ALOX5: variants seen among roughly 807,000 people sequenced by gnomAD.
ALOX5 encodes the protein polyunsaturated fatty acid 5-lipoxygenase.
Under a neutral mutation model 87.9 loss-of-function variants are expected in ALOX5, and 64 were observed. The observed-to-expected ratio is 0.73, with a 90% CI of 0.60 to 0.90. The LOEUF is 0.90. Among genes scored for constraint, ALOX5 ranks in the 40% least tolerant of loss-of-function variants. The pLI is 0.00. For synonymous variants in ALOX5, 388 were observed against 355.1 expected (o/e 1.09, Z -1.04); for missense variants, 822 against 907.5 (o/e 0.91, Z 1.21).
In ALOX5 at chr10:45,412,200, G is replaced by A. The variant is rs747182768; in HGVS notation, c.441G>A (p.Glu147=). The A allele has an allele frequency of 5.0e-6, 8 of 1,614,186 alleles. No individual in the cohort carries two copies. Among genetic ancestry groups the A allele is most frequent in the Non-Finnish European group, 5.9e-6 (7 of 1,180,034 alleles). Residue 147 remains glutamate, a synonymous_variant, in exon 4 of 14, where the codon GAG becomes GAA. Transcript: ENST00000374391. Reference sequence around the variant, plus strand: ...CCTTTCTCATGCTCAGATGGATGGAGTGGAACCCTGGCTTCCCCTTGAGCA... The same window carrying A: ...CCTTTCTCATGCTCAGATGGATGGAATGGAACCCTGGCTTCCCCTTGAGCA... ...ETRQKQYRWM[E]WNPGFPLSID...
At position 45,400,076 on chromosome 10, in the gene ALOX5, T is replaced by C. The variant is rs1840646210; in HGVS notation, c.431+4140T>C. Among the ~76,000 whole-genome samples the C allele has an allele frequency of 4.6e-5, 7 of 152,182 alleles. No homozygotes were observed. In the South Asian group the frequency reaches 1.4e-3, roughly 32 times the overall value. ...GATGCAGCCACTTCAGAAAACAGTTTAGTGGTTCCTCAAAATCTGAAACCC... is the reference window on the plus strand; with the variant it reads ...GATGCAGCCACTTCAGAAAACAGTTCAGTGGTTCCTCAAAATCTGAAACCC... On this transcript the variant is annotated intron_variant, in intron 3 of 13. Coordinates refer to ENST00000374391, the MANE Select transcript of ALOX5 (RefSeq NM_000698.5).
intron 13 of ALOX5, 176 bp downstream of exon 13, chr10:45,444,462 G>A: frequency 2.3e-6 from 2 of 868,982 alleles, no homozygotes; most frequent in Non-Finnish European, 3.4e-6. Flanking sequence ...GCCTCAGCCT[G>A]GACAGAGCTC....
chr10:45,433,674 G>A (rs894027802), intron 7 of ALOX5, among the ~76,000 whole-genome samples: 10 of 152,176 alleles, frequency 6.6e-5, no homozygotes, highest in Non-Finnish European at 1.2e-4. Flanking sequence ...TTGAAGTGGG[G>A]GTGGGCTTCC....
chr10:45,405,198 T>G (rs1449310410), intron 3 of ALOX5, among the ~76,000 whole-genome samples: 1 of 152,212 alleles, frequency 6.6e-6, no homozygotes. Context: ...TTTCCAGAAC[T>G]CAGATTGCTG....
At chr10:45,420,769 C>T (rs942764224) in intron 4 of ALOX5, among the ~76,000 whole-genome samples, 7 of 152,182 alleles carry the variant, frequency 4.6e-5, no homozygotes, top group Non-Finnish European at 8.8e-5. Flanking sequence ...ACAACTGTGG[C>T]GTAAAAAATG....
intron 2 of ALOX5, among the ~76,000 whole-genome samples, chr10:45,387,286 C>T (rs1020657168): frequency 7.2e-5 from 11 of 152,040 alleles, no homozygotes; most frequent in South Asian, 6.2e-4. Context: ...TGTGTAGGCA[C>T]GACAGGAAAC....
intron 6 of ALOX5, chr10:45,428,264 A>G: frequency 3.5e-6 from 1 of 286,612 alleles, no homozygotes; most frequent in Non-Finnish European, 6.5e-6. Context: ...GTCCGGCAGC[A>G]TCATTTTTTG....
intron 2 of ALOX5, among the ~76,000 whole-genome samples, chr10:45,389,826 C>A (rs1008528039): frequency 5.1e-4 from 78 of 152,324 alleles, no homozygotes; most frequent in Middle Eastern, 6.8e-3. Flanking sequence ...AAGACAAGAT[C>A]AAATTCACAC....
At chr10:45,421,240 T>C (rs139316218) in intron 4 of ALOX5, among the ~76,000 whole-genome samples, 25 of 152,378 alleles carry the variant, frequency 1.6e-4, no homozygotes, top group Non-Finnish European at 2.1e-4. Flanking sequence ...TTCCTACATC[T>C]GTGGCTTCTT....
At chr10:45,424,854 AGAG>A in intron 5 of ALOX5, 103 bp from the exon 6 acceptor site, 1 of 1,395,548 alleles carries the variant, frequency 7.2e-7, no homozygotes, top group East Asian at 2.3e-5. Flanking sequence ...AGCACTCGGG[AGAG>A]GAGACCAAGC....
intron 7 of ALOX5, among the ~76,000 whole-genome samples, chr10:45,430,368 G>A (rs1237570552): frequency 2.0e-5 from 3 of 151,720 alleles, no homozygotes; most frequent in Admixed American, 6.6e-5. Context: ...CTGGTTCTTT[G>A]AAAGGTCCAA....
At chr10:45,442,746 C>A in intron 9 of ALOX5, 1 of 417,356 alleles carries the variant, frequency 2.4e-6, no homozygotes, top group South Asian at 4.9e-5. Flanking sequence ...CACACACCTG[C>A]CCACGCCTGC....
intron 7 of ALOX5, among the ~76,000 whole-genome samples, chr10:45,432,507 C>T (rs544684291): frequency 6.6e-6 from 1 of 152,112 alleles, no homozygotes; most frequent in Non-Finnish European, 1.5e-5. Flanking sequence ...GACTCCCCCA[C>T]AGAGGAATTC....
chr10:45,414,442 A>G (rs1229953698), intron 4 of ALOX5, among the ~76,000 whole-genome samples: 3 of 152,294 alleles, frequency 2.0e-5, no homozygotes, highest in East Asian at 1.9e-4. Flanking sequence ...TTAATTCAAG[A>G]TGGATTAAAT....
chr10:45,399,582 C>T (rs774328117), intron 3 of ALOX5, among the ~76,000 whole-genome samples: 17 of 152,092 alleles, frequency 1.1e-4, no homozygotes, highest in South Asian at 2.1e-4. Context: ...ATCTTGGGTT[C>T]GGCAAAGTCT....
intron 1 of ALOX5, among the ~76,000 whole-genome samples, chr10:45,376,173 T>A (rs1329096958): frequency 6.8e-6 from 1 of 146,032 alleles, no homozygotes; most frequent in African/African-American, 2.5e-5. Flanking sequence ...CACTGTTTTG[T>A]CCACTATCTC....
chr10:45,393,343 A>T (rs568255484), intron 2 of ALOX5, among the ~76,000 whole-genome samples: 166 of 152,320 alleles, frequency 1.1e-3, no homozygotes, highest in African/African-American at 3.7e-3. Flanking sequence ...ACAGAACCAA[A>T]GACAAAAACC....
intron 3 of ALOX5, among the ~76,000 whole-genome samples, chr10:45,405,316 C>T (rs986193638): frequency 6.6e-6 from 1 of 152,188 alleles, no homozygotes; most frequent in Non-Finnish European, 1.5e-5. Context: ...ATACTTTTGC[C>T]CATCCATACA....
Position 45,383,455 on chromosome 10 carries a change from C to T in ALOX5, c.349+774C>T, listed in dbSNP as rs539630410. 5.9e-5 allele frequency among the ~76,000 whole-genome samples: 9 copies of T among 152,338 alleles called. No homozygotes were observed. In the South Asian group the frequency reaches 1.9e-3, roughly 32 times the overall value. On this transcript the variant is annotated intron_variant, in intron 2 of 13. Coordinates refer to ENST00000374391, the MANE Select transcript of ALOX5 (RefSeq NM_000698.5). ...ATCCTACCTCACTTCGAGTCATAAC[C>T]CTTCAGCTTGCTCTCAGTTTAAACC...
Sources: gnomAD v4.1 joint callset for allele counts (sites outside exome capture counted in the v4.1 genomes callset) on GRCh38, gnomAD v4.1.1 for gene constraint, MANE v1.5 for transcripts, NCBI Gene and HGNC (gene_info 2026-07-23, HGNC 2026-07-21) for gene names.